Variants in STK3 observed in about 807,000 individuals in gnomAD.
STK3 encodes serine/threonine-protein kinase 3.
A neutral mutation model predicts 58.0 loss-of-function variants in STK3; 41 were observed. The observed-to-expected ratio is 0.71, with a 90% CI of 0.55 to 0.92. The LOEUF is 0.92. Among genes scored for constraint, STK3 ranks in the 40% least tolerant of loss-of-function variants. The pLI, the probability that STK3 is intolerant of heterozygous loss-of-function variation, is 0.00. For missense variants in STK3, 479 were observed against 602.7 expected (o/e 0.79, Z 2.15); for synonymous variants, 170 against 191.0 (o/e 0.89, Z 0.91).
intron 3 of STK3, among the ~76,000 whole-genome samples, chr8:98,877,050 G>T (rs1393853112): frequency 6.6e-6 from 1 of 152,198 alleles, no homozygotes; most frequent in Non-Finnish European, 1.5e-5. Context: ...TACACACTTT[G>T]TAAGCTTTGT....
rs1353633290 is a variant in STK3 at position 98,743,699 on chromosome 8, C to T, written c.351+5577G>A. On this transcript the variant is annotated intron_variant, in intron 4 of 10. Coordinates refer to ENST00000419617, the MANE Select transcript of STK3 (RefSeq NM_006281.4). ...GGCAAGGACTTCATGTCTAAAACACCAAAAGCAATGGCAACAAAAGCCAAA... is the reference window on the plus strand; with the variant it reads ...GGCAAGGACTTCATGTCTAAAACACTAAAAGCAATGGCAACAAAAGCCAAA... Among the ~76,000 whole-genome samples, 1,307 of 151,982 alleles carry T rather than the reference C, an allele frequency of 8.6e-3. 10 individuals are homozygous for T. The highest frequency in any genetic ancestry group is 0.03 in the African/African-American group (1,228 of 41,468).
chr8:98,600,932 T>C (rs1049415318), intron 6 of STK3, among the ~76,000 whole-genome samples: 3 of 152,200 alleles, frequency 2.0e-5, no homozygotes, highest in Non-Finnish European at 4.4e-5. Context: ...AAAGATGGTA[T>C]AGAATCTTAA....
At position 98,465,193 on chromosome 8, in the gene STK3, G is replaced by A. The variant is rs570263718; in HGVS notation, c.1318-9193C>T. Among the ~76,000 whole-genome samples the A allele has an allele frequency of 5.3e-5, 8 of 152,244 alleles. No homozygotes were observed. In the South Asian group the frequency reaches 1.7e-3, roughly 32 times the overall value. On this transcript the variant is annotated intron_variant, in intron 10 of 10. Coordinates refer to ENST00000419617, the MANE Select transcript of STK3 (RefSeq NM_006281.4). ...TTAGGGGGCAGATATTACCAACCCC[G>A]TTTGACAGGTGAGGATGCTTAGAGA...
chr8:98,850,157 T>C (rs988655035), intron 3 of STK3, among the ~76,000 whole-genome samples: 1 of 152,118 alleles, frequency 6.6e-6, no homozygotes, highest in African/African-American at 2.4e-5. Flanking sequence ...GATTTACGTA[T>C]TTATTATTTA....
At chr8:98,393,543 T>C (rs1817868074) in intron 3 of STK3, 1 of 152,204 alleles carries the variant, frequency 6.6e-6, no homozygotes, top group African/African-American at 2.4e-5. Flanking sequence ...TTGCCAGTTC[T>C]GAGCCCAGGC....
chr8:98,354,230 A>G, the STK3 span, among the ~76,000 whole-genome samples: 1 of 152,228 alleles, frequency 6.6e-6, no homozygotes, highest in Non-Finnish European at 1.5e-5. Flanking sequence ...TGGTCCAATT[A>G]GTTGGAGCCA....
chr8:98,409,202 G>C (rs901574108), intron 3 of STK3, among the ~76,000 whole-genome samples: 10 of 152,140 alleles, frequency 6.6e-5, no homozygotes, highest in African/African-American at 2.4e-4. Context: ...CCATGTCTTG[G>C]AGCATCTAAA....
intron 3 of STK3, among the ~76,000 whole-genome samples, chr8:98,858,325 GA>G (rs1564065895): frequency 1.4e-4 from 9 of 63,776 alleles, no homozygotes; most frequent in Non-Finnish European, 1.9e-4. Context: ...TATATATATA[GA>G]GAGAGAGAGA....
At chr8:98,696,129 G>C (rs1824896643) in intron 6 of STK3, among the ~76,000 whole-genome samples, 1 of 152,166 alleles carries the variant, frequency 6.6e-6, no homozygotes, top group African/African-American at 2.4e-5. Flanking sequence ...TGAAGCAATT[G>C]TGAATGGGAG....
chr8:98,486,034 C>T (rs1586679970), intron 10 of STK3, among the ~76,000 whole-genome samples: 2 of 152,166 alleles, frequency 1.3e-5, no homozygotes, highest in South Asian at 2.1e-4. Flanking sequence ...GGAAACAGAC[C>T]GAAAGACACA....
chr8:98,429,055 C>T (rs1357735601), intron 3 of STK3: 2 of 1,612,972 alleles, frequency 1.2e-6, no homozygotes, highest in Non-Finnish European at 1.7e-6. Context: ...GAGGGCCTGG[C>T]CACCATCCCT....
At chr8:98,467,276 C>T (rs1683679690) in intron 10 of STK3, among the ~76,000 whole-genome samples, 1 of 152,066 alleles carries the variant, frequency 6.6e-6, no homozygotes, top group African/African-American at 2.4e-5. Context: ...TTGGATAGGG[C>T]CTTTGTCTAG....
rs892162402 is a variant in STK3, at chr8:98,645,362, G to A, written c.685-49193C>T. 1.2e-4 allele frequency among the ~76,000 whole-genome samples: 19 copies of A among 152,264 alleles called. No individual in the cohort carries two copies. In the South Asian group the frequency reaches 3.5e-3, roughly 28 times the overall value. ...TTTTCAGAATGTCTAGCAAAAATAT[G>A]TCAAACCTGGATCTCTGACTTAAAG... On this transcript the variant is annotated intron_variant, in intron 6 of 10. Transcript: ENST00000419617.
At chr8:98,653,025 A>G (rs1437438282) in intron 6 of STK3, among the ~76,000 whole-genome samples, 1 of 152,226 alleles carries the variant, frequency 6.6e-6, no homozygotes, top group African/African-American at 2.4e-5. Context: ...TCAACAGAAT[A>G]TACATTTCTT....
intron 6 of STK3, among the ~76,000 whole-genome samples, chr8:98,650,098 G>A (rs909151962): frequency 1.3e-5 from 2 of 152,134 alleles, no homozygotes; most frequent in Non-Finnish European, 2.9e-5. Flanking sequence ...ACCAAATTAT[G>A]TTATTAAGTC....
chr8:98,719,770 C>T (rs951223016), intron 4 of STK3, among the ~76,000 whole-genome samples: 5 of 152,170 alleles, frequency 3.3e-5, no homozygotes, highest in Admixed American at 1.3e-4. Context: ...TGGATATACA[C>T]GGACAGGGAA....
chr8:98,582,741 T>C (rs534585758), intron 7 of STK3, among the ~76,000 whole-genome samples: 1 of 152,300 alleles, frequency 6.6e-6, no homozygotes, highest in Admixed American at 6.5e-5. Context: ...TGGCGTTACA[T>C]ACTTTTCTAA....
intron 8 of STK3, among the ~76,000 whole-genome samples, chr8:98,571,572 T>A (rs977437110): frequency 6.6e-6 from 1 of 152,182 alleles, no homozygotes. Flanking sequence ...GACCGCAACC[T>A]GAACAGCTCT....
At chr8:98,655,225 G>A (rs1394635190) in intron 6 of STK3, among the ~76,000 whole-genome samples, 1 of 152,138 alleles carries the variant, frequency 6.6e-6, no homozygotes, top group Non-Finnish European at 1.5e-5. Flanking sequence ...ACAAAAACAA[G>A]CAATGGGGAA....
Sources: gnomAD v4.1 joint callset for allele counts (sites outside exome capture counted in the v4.1 genomes callset) on GRCh38, gnomAD v4.1.1 for gene constraint, MANE v1.5 for transcripts, NCBI Gene and HGNC (gene_info 2026-07-23, HGNC 2026-07-21) for gene names.